The following ANOS1 variants were observed in gnomAD, a reference collection of about 807,000 sequenced individuals.
ANOS1 encodes anosmin 1, also known as anosmin-1.
In ANOS1, 6 loss-of-function variants were observed where a neutral mutation model predicts 59.0. The observed-to-expected ratio is 0.10, with a 90% CI of 0.06 to 0.20. The LOEUF is 0.20. Ranked by LOEUF, ANOS1 falls within the 10% of genes least tolerant of loss-of-function variation. The pLI is 1.00. For missense variants in ANOS1, 433 were observed against 542.3 expected (o/e 0.80, Z 2.00); for synonymous variants, 217 against 223.4 (o/e 0.97, Z 0.25).
chrX:8,580,441 A>G (rs1486117490), intron 6 of ANOS1, among the ~76,000 whole-genome samples: 3 of 111,860 alleles, frequency 2.7e-5, no homozygotes, highest in Non-Finnish European at 5.6e-5. Context: ...CAATAAAAAT[A>G]CTCAGAAATG....
chrX:8,590,841 G>A (rs185711164), intron 4 of ANOS1, among the ~76,000 whole-genome samples: 274 of 111,703 alleles, frequency 2.5e-3, no homozygotes, highest in African/African-American at 8.4e-3. Context: ...CCTAGGGAAG[G>A]GTGAAGATTT....
intron 2 of ANOS1, among the ~76,000 whole-genome samples, chrX:8,629,568 C>A (rs2051829385): frequency 9.0e-6 from 1 of 111,524 alleles, no homozygotes; most frequent in African/African-American, 3.3e-5. Context: ...CTAGGTGTTA[C>A]GCATTCCAAG....
At chrX:8,671,171 G>T (rs1457001172) in intron 2 of ANOS1, among the ~76,000 whole-genome samples, 1 of 111,354 alleles carries the variant, frequency 9.0e-6, no homozygotes, top group African/African-American at 3.3e-5. Flanking sequence ...GAATATAAAA[G>T]ACTTGATCCT....
At chrX:8,690,958 A>G (rs1443713280) in intron 2 of ANOS1, among the ~76,000 whole-genome samples, 1 of 112,068 alleles carries the variant, frequency 8.9e-6, no homozygotes, top group African/African-American at 3.2e-5. Flanking sequence ...ACTCAAAGGC[A>G]GAAAGATAAG....
At chrX:8,626,924 A>T (rs1444548113) in intron 2 of ANOS1, among the ~76,000 whole-genome samples, 1 of 111,310 alleles carries the variant, frequency 9.0e-6, no homozygotes, top group African/African-American at 3.3e-5. Context: ...TTAAAGAACT[A>T]GTTTTTTGTT....
intron 1 of ANOS1, among the ~76,000 whole-genome samples, chrX:8,710,520 C>T (rs1434942551): frequency 9.0e-6 from 1 of 111,731 alleles, no homozygotes; most frequent in African/African-American, 3.3e-5. Flanking sequence ...CAGATGATAC[C>T]ATATCATTAC....
chrX:8,659,355 G>C (rs1249110001), intron 2 of ANOS1, among the ~76,000 whole-genome samples: 1 of 111,114 alleles, frequency 9.0e-6, no homozygotes, highest in African/African-American at 3.3e-5. Context: ...AAGCTACAGT[G>C]AGCTATAATT....
At position 8,532,330 on chromosome X, in the gene ANOS1, A is replaced by G. The variant is rs1456133737; in HGVS notation, c.*665T>C. On this transcript the variant is annotated 3_prime_UTR_variant, in exon 14 of 14. Coordinates refer to ENST00000262648, the MANE Select transcript of ANOS1 (RefSeq NM_000216.4). ...TAAAATCTGATTAGCAGCTTATTTCATTGAGTTCCTCTGGCTTGGGTGTCT... is the reference window on the plus strand; with the variant it reads ...TAAAATCTGATTAGCAGCTTATTTCGTTGAGTTCCTCTGGCTTGGGTGTCT... 1 of 112,279 alleles carries G rather than the reference A, an allele frequency of 8.9e-6. No homozygotes were observed. The highest frequency in any genetic ancestry group is 3.2e-5 in the African/African-American group (1 of 30,968). The allele number at this position is 112,279 out of a possible 1,213,427, so 9.3% of individuals were successfully genotyped here.
At chrX:8,585,698 T>C (rs1015793860) in intron 5 of ANOS1, among the ~76,000 whole-genome samples, 1 of 112,486 alleles carries the variant, frequency 8.9e-6, no homozygotes, top group African/African-American at 3.2e-5. Flanking sequence ...ATAGAGAATA[T>C]TTATGTATAG....
intron 2 of ANOS1, among the ~76,000 whole-genome samples, chrX:8,668,725 G>A (rs772872179): frequency 3.1e-4 from 34 of 109,072 alleles, no homozygotes; most frequent in Non-Finnish European, 5.9e-4. Context: ...AAACCTCCAC[G>A]TCTATAGTAC....
At chrX:8,609,811 T>G (rs921529211) in intron 3 of ANOS1, among the ~76,000 whole-genome samples, 2 of 108,639 alleles carry the variant, frequency 1.8e-5, no homozygotes, top group African/African-American at 6.7e-5. Context: ...ATCGAGACCA[T>G]CCTGGCTAAC....
intron 3 of ANOS1, among the ~76,000 whole-genome samples, chrX:8,599,482 C>T (rs1930802892): frequency 2.7e-5 from 3 of 111,436 alleles, no homozygotes; most frequent in African/African-American, 9.8e-5. Flanking sequence ...TGGGAACACT[C>T]GCCTGTGTGC....
At chrX:8,554,542 GTTTTTTTTTTTTTTTT>G (rs757605733) in intron 8 of ANOS1, among the ~76,000 whole-genome samples, 5 of 50,826 alleles carry the variant, frequency 9.8e-5, no homozygotes, top group African/African-American at 3.3e-4. Context: ...GGCTACAGGA[GTTTTTTTTTTTTTTTT>G]TTTTTTTTTT....
chrX:8,602,535 T>C (rs971252916), intron 3 of ANOS1, among the ~76,000 whole-genome samples: 1 of 111,475 alleles, frequency 9.0e-6, no homozygotes, highest in East Asian at 2.8e-4. Context: ...TCAGTATGCA[T>C]GTAATACCCA....
chrX:8,661,403 C>T (rs369753451), intron 2 of ANOS1, among the ~76,000 whole-genome samples: 2 of 111,774 alleles, frequency 1.8e-5, no homozygotes, highest in East Asian at 5.7e-4. Flanking sequence ...CTGTACATGT[C>T]TGTGTCCTCA....
chrX:8,556,435 T>C (rs1929950805), intron 8 of ANOS1, among the ~76,000 whole-genome samples: 1 of 111,983 alleles, frequency 8.9e-6, no homozygotes, highest in African/African-American at 3.3e-5. Flanking sequence ...GAAAACCCTA[T>C]CATCTCAGCC....
At chrX:8,715,880 C>T (rs755439736) in intron 1 of ANOS1, among the ~76,000 whole-genome samples, 1 of 109,791 alleles carries the variant, frequency 9.1e-6, no homozygotes, top group East Asian at 2.9e-4. Flanking sequence ...TACAGGCATG[C>T]ACCACACTAT....
At chrX:8,632,443 A>G (rs1431021729) in intron 2 of ANOS1, among the ~76,000 whole-genome samples, 2 of 111,847 alleles carry the variant, frequency 1.8e-5, no homozygotes, top group African/African-American at 6.5e-5. Flanking sequence ...TAGTTCTTTC[A>G]TATTTCCCTA....
chrX:8,545,302 AGGAAAGGAAG>A (rs1198352252), intron 9 of ANOS1, among the ~76,000 whole-genome samples: 1 of 100,682 alleles, frequency 9.9e-6, no homozygotes, highest in Non-Finnish European at 2.0e-5. Context: ...GAGAAAGGAA[AGGAAAGGAAG>A]GGAAAGGAAA....
Sources: allele counts gnomAD v4.1 joint callset (sites outside exome capture counted in the v4.1 genomes callset), GRCh38; gene constraint gnomAD v4.1.1; transcripts MANE v1.5; gene names NCBI Gene and HGNC (gene_info 2026-07-23, HGNC 2026-07-21).